The following ROBO2 variants were observed in gnomAD, a reference collection of about 807,000 sequenced individuals.
ROBO2 encodes roundabout homolog 2.
ROBO2 carries 53 observed loss-of-function variants against 160.8 expected under a neutral mutation model. The ratio of observed to expected loss-of-function variants is 0.33; its 90% CI spans 0.26 to 0.41. The LOEUF is 0.41. ROBO2 is among the 10% of genes least tolerant of loss of function. The pLI is 1.00. For synonymous variants in ROBO2, 664 were observed against 611.7 expected (o/e 1.09, Z -1.26); for missense variants, 1,577 against 1,722.4 (o/e 0.92, Z 1.49).
chr3:76,758,846 G>A (rs2108340994), intron 2 of ROBO2, among the ~76,000 whole-genome samples: 1 of 151,844 alleles, frequency 6.6e-6, no homozygotes, highest in South Asian at 2.1e-4. Context: ...ATAAATACAT[G>A]GTCTTTGTTT....
intron 2 of ROBO2, among the ~76,000 whole-genome samples, chr3:76,018,182 A>G (rs569318043): frequency 6.6e-6 from 1 of 152,198 alleles, no homozygotes; most frequent in East Asian, 1.9e-4. Flanking sequence ...ATCTCTAGAT[A>G]TACATAGATC....
intron 2 of ROBO2, among the ~76,000 whole-genome samples, chr3:76,506,075 A>C (rs1269919417): frequency 6.6e-6 from 1 of 152,160 alleles, no homozygotes; most frequent in Non-Finnish European, 1.5e-5. Flanking sequence ...TGACATCACC[A>C]TTATCCCCCT....
At chr3:76,469,245 G>C (rs901354530) in intron 2 of ROBO2, among the ~76,000 whole-genome samples, 3 of 151,908 alleles carry the variant, frequency 2.0e-5, no homozygotes, top group Admixed American at 1.3e-4. Context: ...ACAATGATGA[G>C]GATGATGATA....
At chr3:76,933,198 A>G (rs1462556074) in intron 2 of ROBO2, among the ~76,000 whole-genome samples, 6 of 152,322 alleles carry the variant, frequency 3.9e-5, no homozygotes, top group East Asian at 3.9e-4. Context: ...TCCATATACA[A>G]TATTGCCAAA....
intron 1 of ROBO2, among the ~76,000 whole-genome samples, chr3:75,914,266 G>T (rs1430870440): frequency 6.6e-6 from 1 of 152,064 alleles, no homozygotes; most frequent in Non-Finnish European, 1.5e-5. Flanking sequence ...TATCACAATT[G>T]ACCTTAAAAC....
chr3:76,451,823 A>C (rs2077489465), intron 2 of ROBO2, among the ~76,000 whole-genome samples: 1 of 152,204 alleles, frequency 6.6e-6, no homozygotes, highest in South Asian at 2.1e-4. Flanking sequence ...GAAAATGAGT[A>C]GATGAATGCT....
chr3:76,482,607 G>T (rs986919308), intron 2 of ROBO2, among the ~76,000 whole-genome samples: 3 of 151,992 alleles, frequency 2.0e-5, no homozygotes, highest in Admixed American at 6.6e-5. Flanking sequence ...TAGAGACGTA[G>T]GTTAAGAAAT....
intron 2 of ROBO2, among the ~76,000 whole-genome samples, chr3:77,215,159 A>C (rs2151137403): frequency 6.6e-6 from 1 of 152,288 alleles, no homozygotes. Context: ...CTCCTGGATA[A>C]TATCCTGCAG....
intron 2 of ROBO2, among the ~76,000 whole-genome samples, chr3:76,619,389 T>C (rs375590472): frequency 2.2e-4 from 34 of 152,148 alleles, no homozygotes; most frequent in Admixed American, 4.6e-4. Context: ...ATTATCTCTG[T>C]GTCTCCTAAT....
intron 2 of ROBO2, among the ~76,000 whole-genome samples, chr3:76,507,515 G>A (rs1013357734): frequency 6.6e-6 from 1 of 152,074 alleles, no homozygotes; most frequent in East Asian, 1.9e-4. Flanking sequence ...TTGTAATACT[G>A]AAGTTCCCTT....
intron 2 of ROBO2, among the ~76,000 whole-genome samples, chr3:76,827,227 T>A (rs1272359650): frequency 6.6e-6 from 1 of 152,178 alleles, no homozygotes. Flanking sequence ...AAACAAAAGC[T>A]CTTTTGGACT....
intron 2 of ROBO2, among the ~76,000 whole-genome samples, chr3:76,707,017 C>CAT (rs141826647): frequency 0.1 from 15,589 of 150,106 alleles, 1,115 homozygotes; most frequent in African/African-American, 0.19. Context: ...TATATGTATA[C>CAT]ATATATATAT....
chr3:77,142,349 T>C (rs1171704925), intron 2 of ROBO2, among the ~76,000 whole-genome samples: 1 of 152,218 alleles, frequency 6.6e-6, no homozygotes, highest in Non-Finnish European at 1.5e-5. Context: ...TATAGATAAT[T>C]ATGTTTATTA....
At chr3:76,232,448 T>C (rs917556086) in intron 2 of ROBO2, among the ~76,000 whole-genome samples, 1 of 152,232 alleles carries the variant, frequency 6.6e-6, no homozygotes, top group South Asian at 2.1e-4. Flanking sequence ...TAATCATTTC[T>C]ATAACAGTAA....
Position 76,077,848 on chromosome 3 carries a change from T to C in ROBO2, c.109+140246T>C, listed in dbSNP as rs778024794. Among the ~76,000 whole-genome samples the C allele has an allele frequency of 4.6e-5, 7 of 152,080 alleles. No individual in the cohort carries two copies. The South Asian group carries it at 6.2e-4, about 14-fold the overall frequency. ...CAAAGTGAGTTGGAAGATCAAAGAA[T>C]TGATTTAAGGAGACTGTTCAAATTC... is the stretch of plus-strand genomic sequence containing the variant. On this transcript the variant is annotated intron_variant, in intron 2 of 26. Coordinates refer to the ROBO2 transcript ENST00000487694.
intron 2 of ROBO2, among the ~76,000 whole-genome samples, chr3:77,264,538 G>GT (rs5850320): frequency 0.29 from 44,290 of 151,476 alleles, 6,749 homozygotes; most frequent in Middle Eastern, 0.38. Flanking sequence ...TGTTCATAAT[G>GT]TTTTTTTTTA....
At chr3:76,672,659 C>T (rs915491589) in intron 2 of ROBO2, among the ~76,000 whole-genome samples, 4 of 151,920 alleles carry the variant, frequency 2.6e-5, no homozygotes, top group Non-Finnish European at 2.9e-5. Context: ...GGGGAATTAC[C>T]GACTCAAGCA....
intron 2 of ROBO2, among the ~76,000 whole-genome samples, chr3:76,742,203 C>T (rs2093813599): frequency 2.0e-5 from 3 of 150,408 alleles, no homozygotes; most frequent in Admixed American, 2.0e-4. Context: ...TAAAGATGTT[C>T]TACATATTTT....
chr3:76,272,944 A>ATATATTTATATAT (rs1707633460), intron 2 of ROBO2, among the ~76,000 whole-genome samples: 1 of 27,458 alleles, frequency 3.6e-5, no homozygotes, highest in Non-Finnish European at 1.3e-4. Context: ...ATAAATATAT[A>ATATATTTATATAT]AAATATATAA....
Sources: gnomAD v4.1 joint callset for allele counts (sites outside exome capture counted in the v4.1 genomes callset) on GRCh38, gnomAD v4.1.1 for gene constraint, MANE v1.5 for transcripts, NCBI Gene and HGNC (gene_info 2026-07-23, HGNC 2026-07-21) for gene names.